Variants in FPGS observed in about 807,000 individuals in gnomAD.
FPGS encodes the protein folylpolyglutamate synthase, also known as folylpolyglutamate synthase, mitochondrial.
A neutral mutation model predicts 66.5 loss-of-function variants in FPGS; 53 were observed. The observed-to-expected ratio is 0.80, with a 90% CI of 0.64 to 1.00. The LOEUF (loss-of-function observed/expected upper bound fraction) is 1.00, where lower values mean the gene tolerates loss of function less well. FPGS is among the 50% of genes least tolerant of loss of function. The pLI is 0.00. For synonymous variants in FPGS, 348 were observed against 350.9 expected, an observed-to-expected ratio of 0.99 and a Z score of 0.09; for missense variants, 702 against 807.7, an observed-to-expected ratio of 0.87 and a Z score of 1.59.
At position 127,804,493 on chromosome 9, in the gene FPGS, T is replaced by C; in HGVS notation, c.268-6T>C. The C allele has an allele frequency of 1.9e-6, 3 of 1,614,062 alleles. No individual in the cohort carries two copies. The highest frequency in any genetic ancestry group is 2.5e-6 in the Non-Finnish European group (3 of 1,179,974). On this transcript the variant is annotated splice_region_variant and splice_polypyrimidine_tract_variant and intron_variant, in intron 2 of 14. Coordinates refer to ENST00000373247, the MANE Select transcript of FPGS (RefSeq NM_004957.6). ...CTGAGGCAGGGACCTTGTCTGTCTG[T>C]CCCAGGTGGAGGACTTGGACCGGCT...
At chr9:127,803,605 C>T (rs1476896971) in intron 1 of FPGS, among the ~76,000 whole-genome samples, 3 of 152,110 alleles carry the variant, frequency 2.0e-5, no homozygotes, top group Non-Finnish European at 2.9e-5. Flanking sequence ...TGCCCTAGAC[C>T]AGACCCTGAT....
rs775398490 is a variant in FPGS, at chr9:127,804,346, G to A, written c.200G>A (p.Arg67His). The A allele has an allele frequency of 1.2e-5, 19 of 1,614,186 alleles. No individual in the cohort carries two copies. The highest frequency in any genetic ancestry group is 4.5e-5 in the East Asian group (2 of 44,884). Residue 67 changes from arginine (R) to histidine (H), a missense_variant, in exon 2 of 15, where the codon CGC becomes CAC. By Grantham distance (29) the Arg-to-His change is conservative. Around this residue, in one of 3 missense-constraint regions of FPGS, gnomAD observed 240 missense variants for 348.6 expected, o/e 0.69. Transcript: ENST00000373247. ...TNAGYLEQVK[R>H]QRGDPQTQLE... is the part of the protein sequence containing the mutation. ...GCCGGCTACCTGGAGCAGGTGAAGC[G>A]CCAGCGGGGTGACCCTCAGACACAG...
At position 127,812,075 on chromosome 9, in the gene FPGS, A is replaced by G. The variant is rs899043998; in HGVS notation, c.1354+1064A>G. 6.4e-4 allele frequency among the ~76,000 whole-genome samples: 97 copies of G among 150,492 alleles called. 1 individual carries two copies. The highest frequency in any genetic ancestry group is 2.3e-3 in the African/African-American group (93 of 39,928). ...GCTCAGGAGTTAAAAGCCAGACCTCATCTCTATAAAAAAAAATAGAAGAAT... is the reference window on the plus strand; with the variant it reads ...GCTCAGGAGTTAAAAGCCAGACCTCGTCTCTATAAAAAAAAATAGAAGAAT... On this transcript the variant is annotated intron_variant, in intron 14 of 14. Transcript: ENST00000373247.
At position 127,808,611 on chromosome 9, in the gene FPGS, G is replaced by A. The variant is rs780261977; in HGVS notation, c.876G>A (p.Pro292=). Residue 292 remains proline (P), a synonymous_variant, in exon 10 of 15, where the codon CCG becomes CCA. Coordinates refer to ENST00000373247, the MANE Select transcript of FPGS (RefSeq NM_004957.6). The part of the protein sequence containing the change: ...MLEALEEGGP[P]LTLGLEGEHQ... ...AGGCCCTCGAGGAAGGGGGGCCGCC[G>A]CTGACCCTGGGCCTGGAGGGGGAGC... 8.7e-6 allele frequency: 14 copies of A among 1,612,004 alleles called. No individual in the cohort carries two copies. In the East Asian group the frequency reaches 1.1e-4, roughly 13 times the overall value.
At position 127,807,541 on chromosome 9, in the gene FPGS, C is replaced by G. The variant is rs780904246; in HGVS notation, c.642-45C>G. 4 of 1,612,064 alleles carry G rather than the reference C, an allele frequency of 2.5e-6. 1 individual carries two copies. The South Asian group carries it at 4.4e-5, about 18-fold the overall frequency. On this transcript the variant is annotated intron_variant, in intron 7 of 14. Transcript: ENST00000373247. This position sits in a 1 kb window ranked among gnomAD's most constrained non-coding sequence, Gnocchi z 5.8. The stretch of plus-strand genomic sequence containing the variant: ...CCAGGAGCACAGCCTCACCTGCCGC[C>G]TGGTGGCTCAGGGCAGGGCCTCATG...
chr9:127,813,873 A>AC lies in FPGS; in HGVS notation c.*273dup. ...GGCCGTTCAGCCTGTCTCCCCCAAC[A>AC]CCCCGCCTGCCTCCTGGCTCAGGCC... is the stretch of plus-strand genomic sequence containing the variant. On this transcript the variant is annotated 3_prime_UTR_variant, in exon 15 of 15. Coordinates refer to ENST00000373247, the MANE Select transcript of FPGS (RefSeq NM_004957.6). The AC allele has an allele frequency of 8.3e-7, 1 of 1,197,614 alleles. No homozygotes were observed. Among genetic ancestry groups the AC allele is most frequent in the Non-Finnish European group, 1.0e-6 (1 of 966,534 alleles). 74.2% of individuals were successfully genotyped at this position (1,197,614 alleles called of 1,614,324 possible). A position where few individuals can be genotyped will look rare whatever the true frequency, so the allele number is the denominator to read the frequency against.
intron 13 of FPGS, 37 bp downstream of exon 13, chr9:127,810,143 C>T (rs1349954634): frequency 6.3e-7 from 1 of 1,581,816 alleles, no homozygotes; most frequent in South Asian, 1.1e-5. Flanking sequence ...GCAGGCAGTC[C>T]TGAAGCCCTG....
intron 1 of FPGS, among the ~76,000 whole-genome samples, chr9:127,803,997 C>CG (rs1829711875): frequency 6.6e-6 from 1 of 152,204 alleles, no homozygotes; most frequent in Admixed American, 6.5e-5. Flanking sequence ...GGAGTGAAGT[C>CG]GGGGGAGCCT....
intron 13 of FPGS, 56 bp downstream of exon 13, chr9:127,810,162 G>T: frequency 6.8e-7 from 1 of 1,465,684 alleles, no homozygotes; most frequent in Non-Finnish European, 9.5e-7. Flanking sequence ...TGGGTCTGGC[G>T]GTGTGACCCT....
intron 4 of FPGS, among the ~76,000 whole-genome samples, chr9:127,806,190 G>A (rs777464002): frequency 4.7e-4 from 72 of 151,948 alleles, no homozygotes; most frequent in Non-Finnish European, 7.5e-4. Context: ...CCAACATGGC[G>A]AAACCCTATC....
At chr9:127,812,322 A>AT (rs35879553) in intron 14 of FPGS, among the ~76,000 whole-genome samples, 43,882 of 138,470 alleles carry the variant, frequency 0.32, 7,242 homozygotes, top group Middle Eastern at 0.46. Context: ...TGGAATCTGC[A>AT]TTTTTTTTTT....
In FPGS at chr9:127,807,051, C is replaced by T; in HGVS notation, c.465C>T (p.Tyr155=). The change falls in exon 5 of 15, where the codon TAC becomes TAT. Residue 155 remains tyrosine (Y), a synonymous_variant. Transcript: ENST00000373247. This position sits in a 1 kb window ranked among gnomAD's most constrained non-coding sequence, Gnocchi z 5.8. The part of the protein sequence containing the change: ...QPISPELFTK[Y]FWRLYHRLEE... ...TCAGTCCTGAGCTCTTCACCAAGTACTTCTGGCGCCTCTACCACCGGCTGG... is the reference window on the plus strand; with the variant it reads ...TCAGTCCTGAGCTCTTCACCAAGTATTTCTGGCGCCTCTACCACCGGCTGG... 5.0e-6 allele frequency: 8 copies of T among 1,614,134 alleles called. No individual in the cohort carries two copies. The highest frequency in any genetic ancestry group is 6.8e-6 in the Non-Finnish European group (8 of 1,180,010).
At chr9:127,813,084 C>T (rs1005716611) in intron 14 of FPGS, 111 bp from the exon 15 acceptor site, 16 of 1,450,612 alleles carry the variant, frequency 1.1e-5, no homozygotes, top group African/African-American at 2.9e-5. Flanking sequence ...GGCCTGATGA[C>T]GTAAAAGGCT....
rs1829900908 is a variant in FPGS, at chr9:127,808,275, C to G, written c.786C>G (p.Pro262=). 1 of 1,613,978 alleles carries G rather than the reference C, an allele frequency of 6.2e-7. No homozygotes were observed. Among genetic ancestry groups the G allele is most frequent in the African/African-American group, 1.3e-5 (1 of 74,924 alleles). Residue 262 remains proline (P), a synonymous_variant, in exon 9 of 15, where the codon CCC becomes CCG. Coordinates refer to ENST00000373247, the MANE Select transcript of FPGS (RefSeq NM_004957.6). ...TCACTGTGCTCCAACCTGAAGGTCC[C>G]CTGGCAGTGCTGAGGGACCGAGCCC... ...PAFTVLQPEG[P]LAVLRDRAQQ...
Position 127,804,352 on chromosome 9 carries a change from G to A in FPGS, c.206G>A (p.Arg69Gln). The A allele has an allele frequency of 4.3e-6, 7 of 1,614,170 alleles. No individual in the cohort carries two copies. Among genetic ancestry groups the A allele is most frequent in the African/African-American group, 1.3e-5 (1 of 75,048 alleles). ...TACCTGGAGCAGGTGAAGCGCCAGCGGGGTGACCCTCAGACACAGTTGGAA... is the reference window on the plus strand; with the variant it reads ...TACCTGGAGCAGGTGAAGCGCCAGCAGGGTGACCCTCAGACACAGTTGGAA... ...AGYLEQVKRQ[R>Q]GDPQTQLEAM... Residue 69 changes from arginine to glutamine, a missense_variant, in exon 2 of 15, where the codon CGG becomes CAG. Physicochemically the swap from Arg to Gln is conservative, Grantham distance 43 (BLOSUM62 1). Around this residue, in one of 3 missense-constraint regions of FPGS, gnomAD observed 240 missense variants for 348.6 expected, o/e 0.69. Coordinates refer to ENST00000373247, the MANE Select transcript of FPGS (RefSeq NM_004957.6).
At chr9:127,812,400 G>A (rs1401780431) in intron 14 of FPGS, among the ~76,000 whole-genome samples, 2 of 149,604 alleles carry the variant, frequency 1.3e-5, no homozygotes, top group East Asian at 3.9e-4. Context: ...GTGCCATCTC[G>A]GCTCATTGCA....
At chr9:127,814,089 C>A (rs1325985535), downstream of FPGS, 1 of 986,770 alleles carries the variant, frequency 1.0e-6, no homozygotes, top group Non-Finnish European at 1.2e-6. Flanking sequence ...TGACCCTTGA[C>A]CCCCTGCTCC....
intron 11 of FPGS, 34 bp from the exon 12 acceptor site, chr9:127,809,650 G>C: frequency 6.4e-7 from 1 of 1,557,618 alleles, no homozygotes; most frequent in Non-Finnish European, 8.6e-7. Context: ...GGGTGGGAGA[G>C]GGCCTGGAGG....
intron 12 of FPGS, 68 bp downstream of exon 12, chr9:127,809,902 C>T (rs1479156608): frequency 1.0e-4 from 30 of 301,234 alleles, no homozygotes; most frequent in African/African-American, 4.2e-4. Flanking sequence ...TGGGGAAGGG[C>T]GGGGCGGGGT....
Sources: allele counts gnomAD v4.1 joint callset (sites outside exome capture counted in the v4.1 genomes callset), GRCh38; gene constraint gnomAD v4.1.1; regional missense constraint gnomAD v4.1.1; non-coding constraint Gnocchi (gnomAD v3.1); transcripts MANE v1.5; gene names NCBI Gene and HGNC (gene_info 2026-07-23, HGNC 2026-07-21).